Variants in NEK11 observed in about 807,000 individuals in gnomAD.
NEK11 encodes the protein NIMA related kinase 11, also known as serine/threonine-protein kinase Nek11.
Under a neutral mutation model 80.7 loss-of-function variants are expected in NEK11, and 72 were observed. The ratio of observed to expected loss-of-function variants is 0.89; its 90% CI spans 0.74 to 1.08. The LOEUF (loss-of-function observed/expected upper bound fraction) is 1.08, where lower values mean the gene tolerates loss of function less well. Ranked by LOEUF, NEK11 falls within the 50% of genes least tolerant of loss-of-function variation. The probability of loss-of-function intolerance (pLI) is 0.00; values close to 1 mark genes in which losing one functional copy is unlikely to be tolerated. For missense variants in NEK11, 764 were observed against 763.6 expected (o/e 1.00, Z -0.01); for synonymous variants, 251 against 260.7 (o/e 0.96, Z 0.36).
At chr3:131,117,445 T>A (rs2081459143) in intron 5 of NEK11, among the ~76,000 whole-genome samples, 1 of 152,176 alleles carries the variant, frequency 6.6e-6, no homozygotes, top group Non-Finnish European at 1.5e-5. Flanking sequence ...TTTAGGATTG[T>A]CTTGGCAATG....
chr3:131,175,040 A>G, intron 14 of NEK11: 7 of 1,271,622 alleles, frequency 5.5e-6, no homozygotes, highest in South Asian at 2.7e-5. Flanking sequence ...GGAGCCCCAC[A>G]TGCCCTTTAC....
At chr3:131,291,094 G>C (rs910337185) in intron 17 of NEK11, among the ~76,000 whole-genome samples, 7 of 152,198 alleles carry the variant, frequency 4.6e-5, no homozygotes, top group African/African-American at 1.4e-4. Flanking sequence ...ACTCTGCTTA[G>C]TCATCCCTCC....
intron 16 of NEK11, among the ~76,000 whole-genome samples, chr3:131,267,998 T>C (rs981459959): frequency 1.3e-5 from 2 of 152,212 alleles, no homozygotes; most frequent in Non-Finnish European, 1.5e-5. Context: ...TCTAATCTTG[T>C]CTTCATGCTT....
At chr3:131,299,289 A>T (rs2096635393) in intron 17 of NEK11, among the ~76,000 whole-genome samples, 1 of 152,042 alleles carries the variant, frequency 6.6e-6, no homozygotes, top group Non-Finnish European at 1.5e-5. Flanking sequence ...GCTCACTGCA[A>T]CCTCCTGGTT....
chr3:131,318,314 A>T (rs2096864138), intron 17 of NEK11, among the ~76,000 whole-genome samples: 1 of 152,220 alleles, frequency 6.6e-6, no homozygotes, highest in South Asian at 2.1e-4. Context: ...TTTAAAATGA[A>T]GCAGTTACTT....
chr3:131,196,590 G>A (rs949892263), intron 14 of NEK11, among the ~76,000 whole-genome samples: 9 of 151,778 alleles, frequency 5.9e-5, no homozygotes, highest in Non-Finnish European at 1.5e-5. Flanking sequence ...CTGGAGTAGA[G>A]TGGCATGATC....
chr3:131,315,638 G>T (rs1239282296), intron 17 of NEK11, among the ~76,000 whole-genome samples: 1 of 151,686 alleles, frequency 6.6e-6, no homozygotes, highest in African/African-American at 2.4e-5. Flanking sequence ...GTGGTTTGCT[G>T]CACAGATCAT....
At chr3:131,269,498 A>C (rs528086907) in intron 16 of NEK11, among the ~76,000 whole-genome samples, 5 of 152,122 alleles carry the variant, frequency 3.3e-5, no homozygotes, top group Non-Finnish European at 7.4e-5. Context: ...ACAGTCCCTC[A>C]TGGCTTCCCT....
At chr3:131,146,419 C>G (rs138999561) in intron 7 of NEK11, among the ~76,000 whole-genome samples, 1 of 152,040 alleles carries the variant, frequency 6.6e-6, no homozygotes, top group African/African-American at 2.4e-5. Flanking sequence ...ATTACTTCCT[C>G]TCTCTGAGCT....
At chr3:131,275,928 T>G (rs1371230624) in intron 17 of NEK11, among the ~76,000 whole-genome samples, 1 of 152,092 alleles carries the variant, frequency 6.6e-6, no homozygotes, top group Non-Finnish European at 1.5e-5. Flanking sequence ...AGGTGATAAT[T>G]AAGAAAAGTC....
At chr3:131,218,957 A>C (rs2094930647) in intron 14 of NEK11, among the ~76,000 whole-genome samples, 1 of 152,182 alleles carries the variant, frequency 6.6e-6, no homozygotes, top group African/African-American at 2.4e-5. Flanking sequence ...AGTGTAAATT[A>C]GTTCAACCAT....
chr3:131,295,304 T>C (rs2096582051), intron 17 of NEK11, among the ~76,000 whole-genome samples: 1 of 152,122 alleles, frequency 6.6e-6, no homozygotes, highest in Admixed American at 6.6e-5. Context: ...GATTTTTTTT[T>C]TTCTGGATTT....
At chr3:131,138,683 C>G (rs1440978924) in intron 7 of NEK11, among the ~76,000 whole-genome samples, 4 of 152,130 alleles carry the variant, frequency 2.6e-5, no homozygotes, top group Non-Finnish European at 5.9e-5. Flanking sequence ...CAACTTAATA[C>G]AGAGACCCCA....
intron 14 of NEK11, among the ~76,000 whole-genome samples, chr3:131,216,157 A>T (rs2094826799): frequency 6.6e-6 from 1 of 152,248 alleles, no homozygotes; most frequent in Non-Finnish European, 1.5e-5. Context: ...AAAAATACAG[A>T]GTTCAGGTTA....
At chr3:131,158,217 A>T (rs1394842967) in intron 10 of NEK11, among the ~76,000 whole-genome samples, 1 of 151,994 alleles carries the variant, frequency 6.6e-6, no homozygotes, top group Non-Finnish European at 1.5e-5. Context: ...ATCATGCCTG[A>T]CTGGAGGAGA....
chr3:131,219,844 G>A (rs917726816), intron 14 of NEK11, among the ~76,000 whole-genome samples: 1 of 152,186 alleles, frequency 6.6e-6, no homozygotes, highest in East Asian at 1.9e-4. Flanking sequence ...TTATACTTTG[G>A]AGTGTGTCTG....
intron 7 of NEK11, among the ~76,000 whole-genome samples, chr3:131,151,245 T>C (rs780386550): frequency 6.6e-6 from 1 of 152,010 alleles, no homozygotes; most frequent in Non-Finnish European, 1.5e-5. Context: ...TCTATAAAAA[T>C]GGGAAAAATA....
chr3:131,139,046 G>A (rs1490032399), intron 7 of NEK11, among the ~76,000 whole-genome samples: 2 of 146,718 alleles, frequency 1.4e-5, no homozygotes, highest in South Asian at 2.2e-4. Context: ...AGGCACTAGG[G>A]ACCAATCCTG....
intron 3 of NEK11, among the ~76,000 whole-genome samples, chr3:131,063,120 G>C (rs776552338): frequency 2.0e-5 from 3 of 152,180 alleles, no homozygotes; most frequent in Non-Finnish European, 1.5e-5. Context: ...AAACTCCTAG[G>C]GTTAGGCAGT....
Sources: allele counts gnomAD v4.1 joint callset (sites outside exome capture counted in the v4.1 genomes callset), GRCh38; gene constraint gnomAD v4.1.1; transcripts MANE v1.5; gene names NCBI Gene and HGNC (gene_info 2026-07-23, HGNC 2026-07-21).